Variants in RBPMS2 observed in about 807,000 individuals in gnomAD.
RBPMS2 encodes RNA-binding protein with multiple splicing 2.
RBPMS2 carries 14 observed loss-of-function variants against 25.7 expected under a neutral mutation model. The ratio of observed to expected loss-of-function variants is 0.55; its 90% confidence interval spans 0.36 to 0.85. RBPMS2 has a LOEUF of 0.85. Ranked by LOEUF, RBPMS2 falls within the 40% of genes least tolerant of loss-of-function variation. The pLI is 0.01. For missense variants in RBPMS2, 252 were observed against 283.4 expected (o/e 0.89, Z 0.80); for synonymous variants, 127 against 115.6 (o/e 1.10, Z -0.63).
At chr15:64,748,974 G>T (rs1211085595) in intron 5 of RBPMS2, 26 bp downstream of exon 5, 1 of 1,612,942 alleles carries the variant, frequency 6.2e-7, no homozygotes, top group Admixed American at 1.7e-5. Context: ...CTCCATGAGG[G>T]CCTGCCAGCT....
intron 1 of RBPMS2, among the ~76,000 whole-genome samples, chr15:64,753,182 C>A (rs1417461594): frequency 3.3e-5 from 5 of 152,198 alleles, no homozygotes; most frequent in African/African-American, 1.2e-4. Context: ...GACTCCTGCT[C>A]TGGGCCACAT....
At chr15:64,770,437 G>T (rs1389197176) in intron 1 of RBPMS2, among the ~76,000 whole-genome samples, 1 of 152,144 alleles carries the variant, frequency 6.6e-6, no homozygotes, top group Non-Finnish European at 1.5e-5. Context: ...AGTTAAAATG[G>T]TGCAGAACAT....
intron 1 of RBPMS2, among the ~76,000 whole-genome samples, chr15:64,764,152 G>A (rs893029823): frequency 4.6e-5 from 7 of 152,154 alleles, no homozygotes; most frequent in East Asian, 1.9e-4. Flanking sequence ...TGGGCACCCC[G>A]GCATGGAAGC....
chr15:64,770,169 A>T (rs908608869), intron 1 of RBPMS2, among the ~76,000 whole-genome samples: 13 of 151,872 alleles, frequency 8.6e-5, no homozygotes, highest in Admixed American at 7.9e-4. Flanking sequence ...ACATGGCGAG[A>T]CTCCGTCTCA....
chr15:64,770,589 G>A (rs1174055870), intron 1 of RBPMS2, among the ~76,000 whole-genome samples: 4 of 152,230 alleles, frequency 2.6e-5, no homozygotes, highest in Non-Finnish European at 1.5e-5. Flanking sequence ...CTATATGCCT[G>A]GCAGGGCTTC....
At chr15:64,753,665 G>C (rs1273283496) in intron 1 of RBPMS2, among the ~76,000 whole-genome samples, 1 of 152,016 alleles carries the variant, frequency 6.6e-6, no homozygotes, top group Admixed American at 6.6e-5. Flanking sequence ...GCAGAATCTC[G>C]GGCCGCTTGG....
intron 1 of RBPMS2, among the ~76,000 whole-genome samples, chr15:64,752,713 C>T (rs760720350): frequency 7.3e-5 from 11 of 151,718 alleles, no homozygotes; most frequent in African/African-American, 1.5e-4. Flanking sequence ...CCGGTTCAAG[C>T]GATTCTCCTG....
In RBPMS2 at chr15:64,751,617, C is replaced by T. The variant is rs2083682209; in HGVS notation, c.109G>A (p.Gly37Ser). The T allele has an allele frequency of 1.2e-6, 2 of 1,613,852 alleles. No homozygotes were observed. The highest frequency in any genetic ancestry group is 1.7e-6 in the Non-Finnish European group (2 of 1,179,988). The change falls in exon 2 of 8, where the codon GGC (glycine) becomes AGC (serine). Residue 37 changes from glycine (G) to serine (S), a missense_variant. By Grantham distance (56) the Gly-to-Ser change is moderately conservative. Coordinates refer to ENST00000300069, the MANE Select transcript of RBPMS2 (RefSeq NM_194272.3). ...EEEVRTLFVS[G>S]LPVDIKPREL... is the part of the protein sequence containing the mutation. ...CTGGGTTTAATGTCCACAGGGAGGCCGCTGACAAACAGTGTCCGGACCTGG... is the reference window on the plus strand; with the variant it reads ...CTGGGTTTAATGTCCACAGGGAGGCTGCTGACAAACAGTGTCCGGACCTGG...
At chr15:64,774,740 G>GGCC (rs1310334079) in intron 1 of RBPMS2, among the ~76,000 whole-genome samples, 1 of 151,430 alleles carries the variant, frequency 6.6e-6, no homozygotes, top group South Asian at 2.1e-4. Context: ...GGAGCCGGCC[G>GGCC]GCCCAGGCCT....
chr15:64,761,380 A>G (rs1293541434), intron 1 of RBPMS2, among the ~76,000 whole-genome samples: 2 of 152,224 alleles, frequency 1.3e-5, no homozygotes, highest in Non-Finnish European at 1.5e-5. Context: ...GGAGGAAACC[A>G]GGGCCTAGGG....
At chr15:64,765,050 C>T (rs1188008076) in intron 1 of RBPMS2, among the ~76,000 whole-genome samples, 5 of 151,240 alleles carry the variant, frequency 3.3e-5, no homozygotes, top group Admixed American at 2.0e-4. Flanking sequence ...CATGGTGAAA[C>T]CCCGTCTCTA....
intron 1 of RBPMS2, among the ~76,000 whole-genome samples, chr15:64,755,341 C>A (rs1043858782): frequency 1.3e-5 from 2 of 152,194 alleles, no homozygotes; most frequent in Non-Finnish European, 2.9e-5. Context: ...GTGGGCCCGT[C>A]TGCCTGAGCA....
chr15:64,752,937 C>A (rs963201977), intron 1 of RBPMS2, among the ~76,000 whole-genome samples: 1 of 151,988 alleles, frequency 6.6e-6, no homozygotes, highest in Non-Finnish European at 1.5e-5. Context: ...GAGCATTGCC[C>A]CCAACATGGT....
rs1182648897 is a variant in RBPMS2 at position 64,775,298 on chromosome 15, C to A, written c.22G>T (p.Gly8Cys). 3 of 1,351,356 alleles carry A rather than the reference C, an allele frequency of 2.2e-6. No individual in the cohort carries two copies. Among genetic ancestry groups the A allele is most frequent in the African/African-American group, 1.5e-5 (1 of 65,908 alleles). 83.7% of individuals were successfully genotyped at this position (1,351,356 alleles called of 1,614,324 possible). ...GTGCCGGTGCTGCCGCCGTGCTCGCCGTCCGGCTTCAGGTTGCTCATGGTG... is the reference window on the plus strand; with the variant it reads ...GTGCCGGTGCTGCCGCCGTGCTCGCAGTCCGGCTTCAGGTTGCTCATGGTG... The part of the protein sequence containing the change: MSNLKPD[G>C]EHGGSTGTGS... The change falls in exon 1 of 8, where the codon GGC becomes TGC. Residue 8 changes from glycine to cysteine, a missense_variant. Physicochemically the swap from Gly to Cys is radical, Grantham distance 159. Coordinates refer to ENST00000300069, the MANE Select transcript of RBPMS2 (RefSeq NM_194272.3).
intron 1 of RBPMS2, among the ~76,000 whole-genome samples, chr15:64,762,855 T>C (rs1177211496): frequency 6.6e-6 from 1 of 152,082 alleles, no homozygotes; most frequent in African/African-American, 2.4e-5. Flanking sequence ...TGACTCCTTC[T>C]GCACACAAGG....
intron 1 of RBPMS2, among the ~76,000 whole-genome samples, chr15:64,765,021 T>A (rs1227629436): frequency 6.7e-6 from 1 of 150,306 alleles, no homozygotes; most frequent in Non-Finnish European, 1.5e-5. Flanking sequence ...GGTCAGGAGT[T>A]CGGGACCAGC....
At chr15:64,768,674 G>A (rs1025506133) in intron 1 of RBPMS2, among the ~76,000 whole-genome samples, 3 of 151,386 alleles carry the variant, frequency 2.0e-5, no homozygotes, top group Non-Finnish European at 2.9e-5. Context: ...CATGGTGCTG[G>A]TAGTCCTACC....
chr15:64,758,904 T>A (rs774297910), intron 1 of RBPMS2, among the ~76,000 whole-genome samples: 4 of 152,200 alleles, frequency 2.6e-5, no homozygotes, highest in Non-Finnish European at 5.9e-5. Flanking sequence ...AGACCTAGAG[T>A]GCCTGGGAGC....
chr15:64,761,291 C>T (rs1392933687), intron 1 of RBPMS2: 1 of 152,172 alleles, frequency 6.6e-6, no homozygotes, highest in African/African-American at 2.4e-5. Flanking sequence ...AAGCCCCTCC[C>T]ACATCCTTCC....
Sources: allele counts gnomAD v4.1 joint callset (sites outside exome capture counted in the v4.1 genomes callset), GRCh38; gene constraint gnomAD v4.1.1; transcripts MANE v1.5; gene names NCBI Gene and HGNC (gene_info 2026-07-23, HGNC 2026-07-21).